Variants in ZNF536 observed in about 807,000 individuals in gnomAD.
The protein encoded by ZNF536 is zinc finger protein 536.
In ZNF536, 13 loss-of-function variants were observed where a neutral mutation model predicts 84.5. That is an observed-to-expected ratio of 0.15 (90% CI 0.10 to 0.24). The LOEUF (loss-of-function observed/expected upper bound fraction) is 0.24, where lower values mean the gene tolerates loss of function less well. Ranked by LOEUF, ZNF536 falls within the 10% of genes least tolerant of loss-of-function variation. ZNF536 has a pLI of 1.00. For missense variants in ZNF536, 1,536 were observed against 1,747.5 expected (o/e 0.88, Z 2.16); for synonymous variants, 811 against 742.5 (o/e 1.09, Z -1.50).
At chr19:30,417,602 A>G (rs1372961631) in intron 1 of ZNF536, among the ~76,000 whole-genome samples, 1 of 152,220 alleles carries the variant, frequency 6.6e-6, no homozygotes, top group Non-Finnish European at 1.5e-5. Context: ...TCCAATATTT[A>G]TAGTTCTTAT....
intron 1 of ZNF536, among the ~76,000 whole-genome samples, chr19:30,677,007 A>C (rs909093848): frequency 6.6e-6 from 1 of 152,192 alleles, no homozygotes. Flanking sequence ...CACCCAGTCA[A>C]ATATTGAGTT....
intron 3 of ZNF536, among the ~76,000 whole-genome samples, chr19:30,363,380 G>A (rs1009121166): frequency 1.3e-5 from 2 of 152,066 alleles, no homozygotes; most frequent in East Asian, 1.9e-4. Context: ...GTGGATTCGC[G>A]GGGACCTGAG....
At chr19:30,293,248 C>T (rs989176400) in intron 2 of ZNF536, among the ~76,000 whole-genome samples, 24 of 152,156 alleles carry the variant, frequency 1.6e-4, no homozygotes, top group African/African-American at 5.1e-4. Context: ...CTTCTCGCCA[C>T]CCTCTCTGTC....
intron 1 of ZNF536, among the ~76,000 whole-genome samples, chr19:30,585,359 A>G (rs964792503): frequency 2.6e-5 from 4 of 152,206 alleles, no homozygotes; most frequent in Admixed American, 1.3e-4. Flanking sequence ...AAAATATTGT[A>G]GAATACTGAA....
chr19:30,265,176 G>C (rs2025446776), intron 1 of ZNF536, among the ~76,000 whole-genome samples: 1 of 152,034 alleles, frequency 6.6e-6, no homozygotes, highest in Admixed American at 6.6e-5. Flanking sequence ...CTAGAAGACA[G>C]GGGAACAGCA....
chr19:30,564,767 T>C (rs1039663700), intron 1 of ZNF536, among the ~76,000 whole-genome samples: 1 of 152,198 alleles, frequency 6.6e-6, no homozygotes, highest in Non-Finnish European at 1.5e-5. Context: ...ACAGATGTTG[T>C]CTGTGGGAAC....
At chr19:30,446,500 G>A (rs911210950) in intron 2 of ZNF536, among the ~76,000 whole-genome samples, 5 of 151,846 alleles carry the variant, frequency 3.3e-5, no homozygotes, top group South Asian at 2.1e-4. Context: ...CCCCCTTAGC[G>A]TATTCCCATA....
intron 1 of ZNF536, among the ~76,000 whole-genome samples, chr19:30,631,613 C>T (rs1054306736): frequency 6.6e-6 from 1 of 152,168 alleles, no homozygotes; most frequent in African/African-American, 2.4e-5. Context: ...GGGTGGGTTA[C>T]TCCCAGTGCT....
At chr19:30,299,010 G>C (rs1021780005) in intron 2 of ZNF536, among the ~76,000 whole-genome samples, 3 of 152,280 alleles carry the variant, frequency 2.0e-5, no homozygotes, top group Non-Finnish European at 4.4e-5. Flanking sequence ...CTGCCAAAGG[G>C]GGGGCCTGGG....
intron 1 of ZNF536, among the ~76,000 whole-genome samples, chr19:30,677,555 C>T (rs528334080): frequency 1.3e-5 from 2 of 152,362 alleles, no homozygotes; most frequent in African/African-American, 4.8e-5. Context: ...CCCTCAGGCC[C>T]AGAGCAAAAT....
intron 1 of ZNF536, among the ~76,000 whole-genome samples, chr19:30,393,043 G>A (rs1346484672): frequency 6.6e-6 from 1 of 152,166 alleles, no homozygotes; most frequent in Non-Finnish European, 1.5e-5. Context: ...CACCTACTGT[G>A]TGAAGCTGTC....
chr19:30,698,397 C>T (rs765734686), intron 1 of ZNF536, among the ~76,000 whole-genome samples: 1 of 152,158 alleles, frequency 6.6e-6, no homozygotes, highest in Non-Finnish European at 1.5e-5. Flanking sequence ...ATGTTTGTCA[C>T]AATTCACGAA....
intron 1 of ZNF536, among the ~76,000 whole-genome samples, chr19:30,585,167 T>C (rs1391101355): frequency 6.6e-6 from 1 of 152,132 alleles, no homozygotes; most frequent in Non-Finnish European, 1.5e-5. Context: ...TCTTAAGCAT[T>C]TTGAGAAGGC....
intron 1 of ZNF536, among the ~76,000 whole-genome samples, chr19:30,638,508 C>T (rs536360037): frequency 1.3e-5 from 2 of 152,304 alleles, no homozygotes; most frequent in African/African-American, 4.8e-5. Context: ...GTGCTATACA[C>T]TTTTAAACAA....
chr19:30,279,184 C>T (rs2045347932), intron 1 of ZNF536, among the ~76,000 whole-genome samples: 1 of 152,248 alleles, frequency 6.6e-6, no homozygotes, highest in Admixed American at 6.5e-5. Context: ...TTGTCACTGT[C>T]ACTTCCTCCA....
chr19:30,578,876 C>T (rs2046829251), intron 1 of ZNF536, among the ~76,000 whole-genome samples: 1 of 152,136 alleles, frequency 6.6e-6, no homozygotes, highest in Non-Finnish European at 1.5e-5. Flanking sequence ...TCATTTGTAC[C>T]TTAGGGGACC....
At chr19:30,610,551 T>C (rs1309833784) in intron 1 of ZNF536, among the ~76,000 whole-genome samples, 1 of 152,220 alleles carries the variant, frequency 6.6e-6, no homozygotes, top group Non-Finnish European at 1.5e-5. Flanking sequence ...AATTTCTGTT[T>C]GAATCAGAAA....
intron 2 of ZNF536, among the ~76,000 whole-genome samples, chr19:30,293,281 A>T (rs1224160374): frequency 5.9e-5 from 9 of 152,168 alleles, no homozygotes; most frequent in African/African-American, 1.9e-4. Context: ...TGGACTTGGT[A>T]CCAGGAACCT....
chr19:30,523,985 TC>T, intron 2 of ZNF536, among the ~76,000 whole-genome samples: 1 of 152,360 alleles, frequency 6.6e-6, no homozygotes, highest in Middle Eastern at 3.4e-3. Context: ...AGCTGGGTTC[TC>T]CATGGCACAG....
Sources: allele counts gnomAD v4.1 joint callset (sites outside exome capture counted in the v4.1 genomes callset), GRCh38; gene constraint gnomAD v4.1.1; transcripts MANE v1.5; gene names NCBI Gene and HGNC (gene_info 2026-07-23, HGNC 2026-07-21).